Variants in HTT observed in about 807,000 individuals in gnomAD.
HTT encodes huntington disease protein.
A neutral mutation model predicts 362.3 loss-of-function variants in HTT; 104 were observed. That is an observed-to-expected ratio of 0.29 (90% CI 0.24 to 0.34). The LOEUF (loss-of-function observed/expected upper bound fraction) is 0.34, where lower values mean the gene tolerates loss of function less well. Ranked by LOEUF, HTT falls within the 10% of genes least tolerant of loss-of-function variation. The pLI is 1.00. For synonymous variants in HTT, 1,577 were observed against 1,548.7 expected, an observed-to-expected ratio of 1.02 and a Z score of -0.43; for missense variants, 3,301 against 3,928.6, an observed-to-expected ratio of 0.84 and a Z score of 4.27.
chr4:3,120,381 G>A (rs562938296), intron 8 of HTT, among the ~76,000 whole-genome samples: 1 of 152,176 alleles, frequency 6.6e-6, no homozygotes. Flanking sequence ...AAGGGAAAAA[G>A]AATAAATTCA....
chr4:3,134,356 G>A lies in HTT; in HGVS notation c.2494-45G>A, dbSNP rs1481762191. On this transcript the variant is annotated intron_variant, in intron 18 of 66. Transcript: ENST00000355072. ...CAAACCGTCAAGACGCGGGTACTGA[G>A]TGGGACTAACCTGCTGTCCTCTTGC... 4 of 1,583,988 alleles carry A rather than the reference G, an allele frequency of 2.5e-6. No homozygotes were observed. In the South Asian group the frequency reaches 3.5e-5, roughly 14 times the overall value.
At chr4:3,191,494 A>G (rs1001836251) in intron 40 of HTT, among the ~76,000 whole-genome samples, 1 of 152,168 alleles carries the variant, frequency 6.6e-6, no homozygotes, top group African/African-American at 2.4e-5. Flanking sequence ...TTTGAAATCA[A>G]TGTATGACTG....
chr4:3,139,146 T>C (rs1282175156), intron 21 of HTT, among the ~76,000 whole-genome samples: 1 of 152,240 alleles, frequency 6.6e-6, no homozygotes, highest in Non-Finnish European at 1.5e-5. Flanking sequence ...ATGACTTGCC[T>C]ATTCAGAGAT....
At chr4:3,224,453 C>T (rs1444359353) in intron 56 of HTT, among the ~76,000 whole-genome samples, 1 of 152,250 alleles carries the variant, frequency 6.6e-6, no homozygotes, top group Non-Finnish European at 1.5e-5. Context: ...TTCATCTACA[C>T]AAGCTGAATC....
At chr4:3,109,055 T>TAA (rs775688422) in intron 6 of HTT, among the ~76,000 whole-genome samples, 9 of 125,416 alleles carry the variant, frequency 7.2e-5, no homozygotes, top group African/African-American at 2.3e-4. Flanking sequence ...TGCCATTTCT[T>TAA]AAAAAAAAAA....
chr4:3,136,507 T>TA (rs1456095659), intron 21 of HTT, among the ~76,000 whole-genome samples, 181 bp downstream of exon 21: 5 of 151,946 alleles, frequency 3.3e-5, no homozygotes, highest in Admixed American at 3.3e-4. Context: ...AAATTATAAT[T>TA]AAAAAAACAA....
At chr4:3,188,679 A>T in intron 39 of HTT, 1 of 272,410 alleles carries the variant, frequency 3.7e-6, no homozygotes, top group Non-Finnish European at 6.9e-6. Flanking sequence ...AATTCCTGTG[A>T]CAGATGATCA....
chr4:3,220,610 C>T (rs1335906514), intron 53 of HTT, among the ~76,000 whole-genome samples: 1 of 152,044 alleles, frequency 6.6e-6, no homozygotes, highest in East Asian at 1.9e-4. Context: ...TTAGATTTTG[C>T]ATTTAGGCTA....
intron 61 of HTT, 116 bp downstream of exon 61, chr4:3,233,469 TG>T (rs1221910444): frequency 9.6e-7 from 1 of 1,041,122 alleles, no homozygotes; most frequent in Non-Finnish European, 1.4e-6. Context: ...CAGGTATCAG[TG>T]GGAACCCAGG....
In HTT at chr4:3,132,656, C is replaced by T; in HGVS notation, c.2331C>T (p.Cys777=). The T allele has an allele frequency of 2.5e-6, 4 of 1,614,124 alleles. No homozygotes were observed. Among genetic ancestry groups the T allele is most frequent in the African/African-American group, 1.3e-5 (1 of 75,054 alleles). Residue 777 remains cysteine, a synonymous_variant, in exon 17 of 67, where the codon TGC becomes TGT. Transcript: ENST00000355072. ...CCATTCTCTGTGGGACCCTCATCTG[C>T]TCCATCCTCAGCAGGTCCCGCTTCC... ...ATAILCGTLI[C]SILSRSRFHV... is the part of the protein sequence containing the mutation.
chr4:3,180,732 C>T, intron 36 of HTT, 81 bp downstream of exon 36: 1 of 1,227,686 alleles, frequency 8.1e-7, no homozygotes, highest in Non-Finnish European at 1.1e-6. Context: ...TGGTAACGCT[C>T]ACTGTTAACT....
rs1250751601 is a variant in HTT at position 3,148,614 on chromosome 4, A to G, written c.3498+407A>G. Among the ~76,000 whole-genome samples, 3 of 152,144 alleles carry G rather than the reference A, an allele frequency of 2.0e-5. No homozygotes were observed. In the East Asian group the frequency reaches 5.8e-4, roughly 29 times the overall value. On this transcript the variant is annotated intron_variant, in intron 26 of 66. Coordinates refer to ENST00000355072, the MANE Select transcript of HTT (RefSeq NM_001388492.1). ...AGATCAAGACCATCCTGGCTAACAC[A>G]GTGAAACCCCGTCTCTACTAAAAAT...
At chr4:3,229,815 C>T (rs1721162727) in intron 59 of HTT, 72 bp from the exon 60 acceptor site, 2 of 1,485,714 alleles carry the variant, frequency 1.3e-6, no homozygotes, top group Non-Finnish European at 1.9e-6. Context: ...CCAGTAGTAG[C>T]GTTCTGGATG....
At chr4:3,118,253 CTT>C (rs1170917087) in intron 8 of HTT, among the ~76,000 whole-genome samples, 11 of 152,156 alleles carry the variant, frequency 7.2e-5, no homozygotes, top group Non-Finnish European at 1.3e-4. Context: ...TAAGTGTACT[CTT>C]TTAAAAAGTA....
intron 1 of HTT, among the ~76,000 whole-genome samples, chr4:3,078,433 G>A (rs1389841746): frequency 1.3e-5 from 2 of 152,246 alleles, no homozygotes; most frequent in African/African-American, 4.8e-5. Context: ...ATAGGGAAAT[G>A]TCAGGGTTAA....
chr4:3,149,294 CTTTTTTT>C (rs1029468563), intron 26 of HTT, among the ~76,000 whole-genome samples: 1 of 130,886 alleles, frequency 7.6e-6, no homozygotes, highest in Non-Finnish European at 1.6e-5. Flanking sequence ...AGTTCACATA[CTTTTTTT>C]TTTTTTTTTT....
chr4:3,077,493 C>G (rs887576946), intron 1 of HTT, among the ~76,000 whole-genome samples: 1 of 152,148 alleles, frequency 6.6e-6, no homozygotes, highest in Non-Finnish European at 1.5e-5. Flanking sequence ...AATCTCGGCT[C>G]ACTGCAGTCT....
At chr4:3,169,537 TTGTTAATC>T (rs1339830897) in intron 29 of HTT, among the ~76,000 whole-genome samples, 2 of 152,334 alleles carry the variant, frequency 1.3e-5, no homozygotes, top group East Asian at 1.9e-4. Flanking sequence ...GTCTACTCTG[TTGTTAATC>T]TGTTAATCTG....
At chr4:3,175,492 A>G (rs375541267) in intron 33 of HTT, among the ~76,000 whole-genome samples, 1 of 152,252 alleles carries the variant, frequency 6.6e-6, no homozygotes. Flanking sequence ...AATTATTACC[A>G]TAATTGATCA....
Sources: gnomAD v4.1 joint callset for allele counts (sites outside exome capture counted in the v4.1 genomes callset) on GRCh38, gnomAD v4.1.1 for gene constraint, MANE v1.5 for transcripts, NCBI Gene and HGNC (gene_info 2026-07-23, HGNC 2026-07-21) for gene names.